Variants in KIF5C observed in about 807,000 individuals in gnomAD.
KIF5C encodes kinesin family member 5C, also known as kinesin heavy chain isoform 5C.
Under a neutral mutation model 125.2 loss-of-function variants are expected in KIF5C, and 18 were observed. The observed-to-expected ratio is 0.14, with a 90% confidence interval of 0.10 to 0.21. The LOEUF is 0.21. KIF5C is among the 10% of genes least tolerant of loss of function. The pLI is 1.00. For synonymous variants in KIF5C, 405 were observed against 434.0 expected, an observed-to-expected ratio of 0.93 and a Z score of 0.83; for missense variants, 780 against 1,183.8, an observed-to-expected ratio of 0.66 and a Z score of 5.01.
At chr2:149,011,711 CTA>C in intron 25 of KIF5C, 28 bp downstream of exon 25, 1 of 1,613,618 alleles carries the variant, frequency 6.2e-7, no homozygotes. Flanking sequence ...GGTGGTTTCT[CTA>C]TCTGGAGGCA....
At chr2:148,881,815 C>T (rs1681367658) in intron 1 of KIF5C, among the ~76,000 whole-genome samples, 1 of 145,616 alleles carries the variant, frequency 6.9e-6, no homozygotes, top group Non-Finnish European at 1.5e-5. Flanking sequence ...TAGGACCAAA[C>T]CTATTTGTTT....
At chr2:149,005,680 C>T (rs1681985474) in intron 22 of KIF5C, among the ~76,000 whole-genome samples, 1 of 152,182 alleles carries the variant, frequency 6.6e-6, no homozygotes, top group South Asian at 2.1e-4. Context: ...AAAAGGAAGT[C>T]AGAATACTTT....
At chr2:149,008,779 A>T (rs989072021) in intron 23 of KIF5C, among the ~76,000 whole-genome samples, 3 of 152,092 alleles carry the variant, frequency 2.0e-5, no homozygotes, top group East Asian at 3.9e-4. Context: ...GGCCGAGGAG[A>T]TGTCATTTCT....
At chr2:149,000,232 C>G in intron 19 of KIF5C, 191 bp from the exon 20 acceptor site, 1 of 556,868 alleles carries the variant, frequency 1.8e-6, no homozygotes, top group Non-Finnish European at 3.0e-6. Flanking sequence ...CTCTTAGATG[C>G]ACCCCAGAAA....
At chr2:148,950,517 T>C (rs1682632339) in intron 10 of KIF5C, 55 bp downstream of exon 10, 1 of 1,559,426 alleles carries the variant, frequency 6.4e-7, no homozygotes, top group Non-Finnish European at 8.7e-7. Flanking sequence ...GTCTTAAGAG[T>C]GAATGGCAAG....
At chr2:148,979,222 G>C (rs1030113108) in intron 13 of KIF5C, among the ~76,000 whole-genome samples, 1 of 152,220 alleles carries the variant, frequency 6.6e-6, no homozygotes, top group African/African-American at 2.4e-5. Context: ...AGTAGCCAGT[G>C]GCTACAGTTC....
At chr2:148,926,449 C>G (rs1418736554) in intron 2 of KIF5C, among the ~76,000 whole-genome samples, 1 of 152,220 alleles carries the variant, frequency 6.6e-6, no homozygotes, top group African/African-American at 2.4e-5. Context: ...TGCAGAGACT[C>G]TAAAACAAAT....
At chr2:148,878,406 T>C (rs537838333) in intron 1 of KIF5C, 40 of 152,382 alleles carry the variant, frequency 2.6e-4, no homozygotes, top group African/African-American at 9.6e-4. Flanking sequence ...CATTGTTTTG[T>C]AGTATTCCAT....
chr2:148,919,895 G>T (rs1342541411), intron 1 of KIF5C, among the ~76,000 whole-genome samples: 3 of 152,078 alleles, frequency 2.0e-5, no homozygotes, highest in Non-Finnish European at 4.4e-5. Flanking sequence ...TCTTTTCTTA[G>T]TATCAATCAT....
chr2:148,939,346 TGC>T (rs1411297571), intron 4 of KIF5C, among the ~76,000 whole-genome samples: 1 of 152,242 alleles, frequency 6.6e-6, no homozygotes, highest in South Asian at 2.1e-4. Flanking sequence ...GGCTAAAGCC[TGC>T]TTCTCCTTCT....
chr2:148,939,469 C>G (rs1682361804), intron 4 of KIF5C, among the ~76,000 whole-genome samples: 1 of 152,176 alleles, frequency 6.6e-6, no homozygotes, highest in African/African-American at 2.4e-5. Flanking sequence ...GCTTAAACTA[C>G]TGCAGGGTTC....
chr2:148,889,256 A>G (rs1021960170), intron 1 of KIF5C, among the ~76,000 whole-genome samples: 2 of 152,196 alleles, frequency 1.3e-5, no homozygotes, highest in Non-Finnish European at 2.9e-5. Context: ...AAATATTTGG[A>G]GAGCAATGGT....
chr2:148,983,610 T>C lies in KIF5C; in HGVS notation c.1570-10T>C. 1 of 1,545,546 alleles carries C rather than the reference T, an allele frequency of 6.5e-7. No homozygotes were observed. Among genetic ancestry groups the C allele is most frequent in the South Asian group, 1.2e-5 (1 of 81,930 alleles). ...ACCCTTTGAATTTGTTGTTGAAATT[T>C]GTTTTTCAGACTACATTGACAACCA... On this transcript the variant is annotated splice_polypyrimidine_tract_variant and intron_variant, in intron 14 of 25. Transcript: ENST00000435030.
chr2:148,887,148 A>G (rs142954507), intron 1 of KIF5C, among the ~76,000 whole-genome samples: 114 of 152,346 alleles, frequency 7.5e-4, no homozygotes, highest in African/African-American at 2.7e-3. Context: ...AAAATATTTT[A>G]CTAATATTTA....
At chr2:148,909,674 T>C (rs930476195) in intron 1 of KIF5C, among the ~76,000 whole-genome samples, 3 of 152,208 alleles carry the variant, frequency 2.0e-5, no homozygotes, top group African/African-American at 7.2e-5. Flanking sequence ...TAATTAATGC[T>C]GAGCAGAGTC....
chr2:149,018,683 T>C (rs776749197), intron 25 of KIF5C, among the ~76,000 whole-genome samples: 16 of 151,946 alleles, frequency 1.1e-4, no homozygotes, highest in Non-Finnish European at 2.2e-4. Context: ...ATAAAATAAA[T>C]TAAAAATTAG....
chr2:148,996,032 G>A (rs776406124), intron 17 of KIF5C, among the ~76,000 whole-genome samples: 5 of 152,146 alleles, frequency 3.3e-5, no homozygotes, highest in Non-Finnish European at 5.9e-5. Context: ...GCACACGCCT[G>A]TAATCCCAGC....
At chr2:149,001,701 C>CT (rs1408018328) in intron 21 of KIF5C, among the ~76,000 whole-genome samples, 1 of 152,228 alleles carries the variant, frequency 6.6e-6, no homozygotes, top group Non-Finnish European at 1.5e-5. Context: ...ACAGCCTGCG[C>CT]TTTAAGACAG....
rs953801152 is a variant in KIF5C at position 149,000,338 on chromosome 2, G to A, written c.2211-85G>A. On this transcript the variant is annotated intron_variant, in intron 19 of 25. Coordinates refer to ENST00000435030, the MANE Select transcript of KIF5C (RefSeq NM_004522.3). ...TGCCTTTATTGTACAGAGCTAATAGGGTTGGAACAGAACCACGGTTTTAGC... is the reference window on the plus strand; with the variant it reads ...TGCCTTTATTGTACAGAGCTAATAGAGTTGGAACAGAACCACGGTTTTAGC... The A allele has an allele frequency of 3.4e-6, 5 of 1,491,792 alleles. No individual in the cohort carries two copies. The East Asian group carries it at 1.0e-4, about 30-fold the overall frequency. The allele number at this position is 1,491,792 out of a possible 1,614,324, so 92.4% of individuals were successfully genotyped here.
Sources: gnomAD v4.1 joint callset for allele counts (sites outside exome capture counted in the v4.1 genomes callset) on GRCh38, gnomAD v4.1.1 for gene constraint, MANE v1.5 for transcripts, NCBI Gene and HGNC (gene_info 2026-07-23, HGNC 2026-07-21) for gene names.